The following EEF1A2 variants were observed in gnomAD, a reference collection of about 807,000 sequenced individuals.
The protein encoded by EEF1A2 is eukaryotic translation elongation factor 1 alpha 2, also known as elongation factor 1-alpha 2.
A neutral mutation model predicts 39.3 loss-of-function variants in EEF1A2; 5 were observed. The ratio of observed to expected loss-of-function variants is 0.13; its 90% confidence interval spans 0.07 to 0.27. EEF1A2 has a LOEUF of 0.27. Among genes scored for constraint, EEF1A2 ranks in the 10% least tolerant of loss-of-function variants. The pLI, the probability that EEF1A2 is intolerant of heterozygous loss-of-function variation, is 1.00. For synonymous variants in EEF1A2, 287 were observed against 293.7 expected (o/e 0.98, Z 0.23); for missense variants, 218 against 681.4 (o/e 0.32, Z 7.57).
chr20:63,491,147 C>T (rs565190769), intron 5 of EEF1A2, among the ~76,000 whole-genome samples: 11 of 151,536 alleles, frequency 7.3e-5, no homozygotes, highest in South Asian at 2.1e-4. Context: ...TGAGTGTGGG[C>T]GGGGCGACTG....
At chr20:63,488,705 C>T (rs2082364710) in intron 7 of EEF1A2, among the ~76,000 whole-genome samples, 1 of 152,208 alleles carries the variant, frequency 6.6e-6, no homozygotes, top group African/African-American at 2.4e-5. Flanking sequence ...TTCGGGGCCT[C>T]GTCTGCACAC....
rs1436413639 is a variant in EEF1A2 at position 63,491,823 on chromosome 20, T to C, written c.773-1088A>G. ...GTAGATGAGTGGATGGACAGAAGGA[T>C]GGATGGGTAGGAAGGTGGGTGGATG... On this transcript the variant is annotated intron_variant, in intron 5 of 7. Transcript: ENST00000217182. Among the ~76,000 whole-genome samples the C allele has an allele frequency of 2.7e-5, 4 of 146,406 alleles. No homozygotes were observed. The East Asian group carries it at 6.1e-4, about 22-fold the overall frequency.
At chr20:63,491,386 C>A (rs993215273) in intron 5 of EEF1A2, among the ~76,000 whole-genome samples, 3 of 152,226 alleles carry the variant, frequency 2.0e-5, no homozygotes, top group Non-Finnish European at 4.4e-5. Flanking sequence ...TTGTCCCCCC[C>A]CAGGCTACTG....
intron 5 of EEF1A2, among the ~76,000 whole-genome samples, chr20:63,491,180 T>TGGCCCTGCTCCCTGCTCCCTGCA (rs55974436): frequency 1.0e-5 from 1 of 98,456 alleles, no homozygotes; most frequent in African/African-American, 3.8e-5. Flanking sequence ...TGGGGCCTGG[T>TGGCCCTGCTCCCTGCTCCCTGCA]GGCCCTGCTC....
chr20:63,488,204 G>A lies in EEF1A2; in HGVS notation c.*94C>T, dbSNP rs2082360671. 1 of 840,464 alleles carries A rather than the reference G, an allele frequency of 1.2e-6. No homozygotes were observed. The highest frequency in any genetic ancestry group is 6.8e-5 in the Admixed American group (1 of 14,702). The allele number at this position is 840,464 out of a possible 1,614,324, so 52.1% of individuals were successfully genotyped here. On this transcript the variant is annotated 3_prime_UTR_variant, in exon 8 of 8. Coordinates refer to ENST00000217182, the MANE Select transcript of EEF1A2 (RefSeq NM_001958.5). ...CGCCTGGCGGGGGTGCGGGGCGCCG[G>A]ACCGGCGCGCGGGGCGGGGGCGGGG... is the stretch of plus-strand genomic sequence containing the variant.
intron 5 of EEF1A2, 144 bp downstream of exon 5, chr20:63,492,993 A>C: frequency 9.0e-7 from 1 of 1,114,348 alleles, no homozygotes; most frequent in Non-Finnish European, 1.2e-6. Flanking sequence ...GGATGGATGG[A>C]TGTGGGATGG....
At position 63,488,180 on chromosome 20, in the gene EEF1A2, G is replaced by T; in HGVS notation, c.*118C>A. 1.6e-6 allele frequency: 1 copy of T among 618,922 alleles called. No individual in the cohort carries two copies. Among genetic ancestry groups the T allele is most frequent in the Non-Finnish European group, 2.0e-6 (1 of 499,990 alleles). The allele number at this position is 618,922 out of a possible 1,614,324, so 38.3% of individuals were successfully genotyped here. ...CTGGCAAGCGGAGGTGCAGACATGC[G>T]CCTGGCGGGGGTGCGGGGCGCCGGA... On this transcript the variant is annotated 3_prime_UTR_variant, in exon 8 of 8. Coordinates refer to ENST00000217182, the MANE Select transcript of EEF1A2 (RefSeq NM_001958.5).
chr20:63,497,014 GA>G lies in EEF1A2; in HGVS notation c.144+605del, dbSNP rs896751613. 6.6e-6 allele frequency: 1 copy of G among 152,512 alleles called. No individual in the cohort carries two copies. The highest frequency in any genetic ancestry group is 2.4e-5 in the African/African-American group (1 of 41,568). The allele number at this position is 152,512 out of a possible 1,614,324, so 9.4% of individuals were successfully genotyped here. ...CTTCTCCCCAGAGTCCTGGGTGGGG[GA>G]TGGGGATCAGAGAGCAGACCCCGTC... is the stretch of plus-strand genomic sequence containing the variant. On this transcript the variant is annotated intron_variant, in intron 2 of 7. Coordinates refer to ENST00000217182, the MANE Select transcript of EEF1A2 (RefSeq NM_001958.5). The surrounding 1 kb of genome is among the most constrained non-coding windows in gnomAD (Gnocchi z 7.3).
intron 6 of EEF1A2, among the ~76,000 whole-genome samples, 171 bp from the exon 7 acceptor site, chr20:63,489,323 TCAA>T (rs2082367804): frequency 6.6e-6 from 1 of 152,306 alleles, no homozygotes; most frequent in Admixed American, 6.5e-5. Flanking sequence ...GACCTGAACC[TCAA>T]CATCCTCATT....
At chr20:63,491,152 C>T (rs939672547) in intron 5 of EEF1A2, among the ~76,000 whole-genome samples, 4 of 152,190 alleles carry the variant, frequency 2.6e-5, no homozygotes, top group African/African-American at 9.7e-5. Context: ...GTGGGCGGGG[C>T]GACTGACTGC....
In EEF1A2 at chr20:63,488,369, C is replaced by T; in HGVS notation, c.1321G>A (p.Val441Met). 3 of 1,479,272 alleles carry T rather than the reference C, an allele frequency of 2.0e-6. No individual in the cohort carries two copies. The highest frequency in any genetic ancestry group is 9.0e-7 in the Non-Finnish European group (1 of 1,116,228). 91.6% of individuals were successfully genotyped at this position (1,479,272 alleles called of 1,614,324 possible). A position where few individuals can be genotyped will look rare whatever the true frequency, so the allele number is the denominator to read the frequency against. Residue 441 changes from valine (V) to methionine (M), a missense_variant, in exon 8 of 8, where the codon GTG (valine) becomes ATG (methionine). By Grantham distance (21) the Val-to-Met change is conservative. Around this residue, in one of 4 missense-constraint regions of EEF1A2, gnomAD observed 31 missense variants for 57.0 expected, o/e 0.54. Transcript: ENST00000217182. ...CCGGCGCCGCCGCTCTTCTTCTCCA[C>T]GTTCTTGATGACGCCTACGGCCACC... ...QTVAVGVIKN[V>M]EKKSGGAGKV...
rs998259316 is a variant in EEF1A2 at position 63,489,117 on chromosome 20, G to A, written c.1065C>T (p.Ala355=). The A allele has an allele frequency of 8.7e-6, 14 of 1,612,594 alleles. No individual in the cohort carries two copies. The highest frequency in any genetic ancestry group is 1.2e-5 in the Non-Finnish European group (14 of 1,179,922). Residue 355 remains alanine (A), a synonymous_variant, in exon 7 of 8, where the codon GCC becomes GCT. Coordinates refer to ENST00000217182, the MANE Select transcript of EEF1A2 (RefSeq NM_001958.5). ...IILNHPGQIS[A]GYSPVIDCHT... ...GGCAGTCGATGACCGGGGAGTAGCC[G>A]GCGCTAATCTGCCCCGGGTGGTTCA...
intron 3 of EEF1A2, 21 bp downstream of exon 3, chr20:63,495,835 C>T (rs376231606): frequency 7.4e-6 from 12 of 1,610,770 alleles, no homozygotes; most frequent in Middle Eastern, 1.6e-4. Context: ...CCCCCAGCCC[C>T]GCCTGCTGTG....
Position 63,490,680 on chromosome 20 carries a change from C to T in EEF1A2, c.828G>A (p.Met276Ile). ...TGTTCACTGGCGCAAAGGTCACCAC[C>T]ATGCCCGGCCGCAGGATGCCGGTCT... ...RVETGILRPG[M>I]VVTFAPVNIT... Residue 276 changes from methionine to isoleucine, a missense_variant, in exon 6 of 8, where the codon ATG becomes ATA. By Grantham distance (10) the Met-to-Ile change is conservative (BLOSUM62 1). Coordinates refer to ENST00000217182, the MANE Select transcript of EEF1A2 (RefSeq NM_001958.5). 6.2e-7 allele frequency: 1 copy of T among 1,610,106 alleles called. No individual in the cohort carries two copies. The highest frequency in any genetic ancestry group is 8.5e-7 in the Non-Finnish European group (1 of 1,179,102).
chr20:63,492,351 T>TGGGA (rs2082388780), intron 5 of EEF1A2, among the ~76,000 whole-genome samples: 1 of 139,876 alleles, frequency 7.1e-6, no homozygotes, highest in East Asian at 2.2e-4. Context: ...GATGGGTGGG[T>TGGGA]CAATAGATGG....
chr20:63,496,416 A>T (rs2082417747), intron 2 of EEF1A2: 1 of 234,028 alleles, frequency 4.3e-6, no homozygotes, highest in Admixed American at 5.1e-5. Context: ...GAGGCCAATA[A>T]TACCACCGTG....
At chr20:63,495,388 G>A (rs1034476069) in intron 3 of EEF1A2, among the ~76,000 whole-genome samples, 2 of 152,264 alleles carry the variant, frequency 1.3e-5, no homozygotes, top group East Asian at 3.8e-4. Flanking sequence ...CCTCACTTGA[G>A]GACGGATAGA....
At chr20:63,488,466 T>C in intron 7 of EEF1A2, 41 bp from the exon 8 acceptor site, 1 of 1,377,646 alleles carries the variant, frequency 7.3e-7, no homozygotes, top group Non-Finnish European at 9.4e-7. Flanking sequence ...GCCGGAGGAC[T>C]TGACCCCCCC....
In EEF1A2 at chr20:63,488,910, C is replaced by G; in HGVS notation, c.1264+8G>C. 6.2e-7 allele frequency: 1 copy of G among 1,608,792 alleles called. No homozygotes were observed. The highest frequency in any genetic ancestry group is 8.5e-7 in the Non-Finnish European group (1 of 1,179,742). ...GGGGCTGCACCTCCCCGGACCACCC[C>G]GGCTCACCGAGAGGCGGGTACTGGG... On this transcript the variant is annotated splice_region_variant and intron_variant, in intron 7 of 7. Coordinates refer to ENST00000217182, the MANE Select transcript of EEF1A2 (RefSeq NM_001958.5).
Sources: allele counts gnomAD v4.1 joint callset (sites outside exome capture counted in the v4.1 genomes callset), GRCh38; gene constraint gnomAD v4.1.1; regional missense constraint gnomAD v4.1.1; non-coding constraint Gnocchi (gnomAD v3.1); transcripts MANE v1.5; gene names NCBI Gene and HGNC (gene_info 2026-07-23, HGNC 2026-07-21).